ACSL1: variants seen among roughly 807,000 people sequenced by gnomAD.
ACSL1 encodes long-chain-fatty-acid--CoA ligase 1.
ACSL1 carries 41 observed loss-of-function variants against 98.4 expected under a neutral mutation model. The ratio of observed to expected loss-of-function variants is 0.42; its 90% confidence interval spans 0.32 to 0.54. The LOEUF (loss-of-function observed/expected upper bound fraction) is 0.54. Among genes scored for constraint, ACSL1 ranks in the 20% least tolerant of loss-of-function variants. The probability of loss-of-function intolerance (pLI) is 0.13; values close to 1 mark genes in which losing one functional copy is unlikely to be tolerated. For missense variants in ACSL1, 734 were observed against 883.1 expected (o/e 0.83, Z 2.14); for synonymous variants, 316 against 322.7 (o/e 0.98, Z 0.22).
intron 1 of ACSL1, chr4:184,813,988 A>G (rs10010777): frequency 0.024 from 10,326 of 431,180 alleles, 894 homozygotes; most frequent in African/African-American, 0.19. Flanking sequence ...CTATGGAAAT[A>G]AACAGAATAT....
chr4:184,808,021 T>C (rs1025035504), intron 1 of ACSL1, among the ~76,000 whole-genome samples: 2 of 152,208 alleles, frequency 1.3e-5, no homozygotes, highest in Non-Finnish European at 2.9e-5. Context: ...CCAGGTATTA[T>C]GACAGCTCCC....
chr4:184,778,665 C>T (rs564988558), intron 5 of ACSL1, among the ~76,000 whole-genome samples: 9 of 152,210 alleles, frequency 5.9e-5, no homozygotes, highest in African/African-American at 1.9e-4. Context: ...GAAGAGAGGC[C>T]GAGTCACTGT....
chr4:184,816,042 C>G (rs189082702), intron 1 of ACSL1, among the ~76,000 whole-genome samples: 1 of 151,940 alleles, frequency 6.6e-6, no homozygotes, highest in Non-Finnish European at 1.5e-5. Context: ...GTCGATTGAA[C>G]CTGTGGGGGG....
chr4:184,760,145 A>G (rs1762655685), intron 18 of ACSL1, among the ~76,000 whole-genome samples: 1 of 152,182 alleles, frequency 6.6e-6, no homozygotes, highest in African/African-American at 2.4e-5. Flanking sequence ...CTCTCTAAGT[A>G]AAATAAAAAT....
At position 184,791,455 on chromosome 4, in the gene ACSL1, C is replaced by T. The variant is rs150216400; in HGVS notation, c.196-2724G>A. ...AAAGTGTGCTCTGCGGAACACCTGG[C>T]ACTGGTTAGGAAAGCAAATCACACC... On this transcript the variant is annotated intron_variant, in intron 2 of 20. Coordinates refer to ENST00000281455, the MANE Select transcript of ACSL1 (RefSeq NM_001995.5). Among the ~76,000 whole-genome samples, 32 of 152,314 alleles carry T rather than the reference C, an allele frequency of 2.1e-4. No homozygotes were observed. In the East Asian group the frequency reaches 5.4e-3, roughly 26 times the overall value.
chr4:184,760,901 T>C (rs1762768347), intron 17 of ACSL1, among the ~76,000 whole-genome samples: 1 of 152,238 alleles, frequency 6.6e-6, no homozygotes, highest in Non-Finnish European at 1.5e-5. Context: ...TCCAAAGTGC[T>C]CTGCACAGAG....
intron 17 of ACSL1, 41 bp from the exon 18 acceptor site, chr4:184,760,541 C>A: frequency 6.2e-7 from 1 of 1,610,598 alleles, no homozygotes; most frequent in Non-Finnish European, 8.5e-7. Flanking sequence ...GGGCTGATGG[C>A]TGGTTTCCAA....
chr4:184,788,629 T>A lies in ACSL1; in HGVS notation c.298A>T (p.Ile100Leu), dbSNP rs781041107. 6 of 1,613,900 alleles carry A rather than the reference T, an allele frequency of 3.7e-6. No homozygotes were observed. The highest frequency in any genetic ancestry group is 5.1e-6 in the Non-Finnish European group (6 of 1,179,924). ...TTLYEGFQRG[I>L]QVSNNGPCLG... Reference sequence around the variant, plus strand: ...GGAAAATGCTTACTTGACACCTGTATTCCCCTCTGGAAACCTTCGTATAAT... The same window carrying A: ...GGAAAATGCTTACTTGACACCTGTAATCCCCTCTGGAAACCTTCGTATAAT... The change falls in exon 3 of 21, where the codon ATA (isoleucine) becomes TTA (leucine). Residue 100 changes from isoleucine (I) to leucine (L), a missense_variant. Ile to Leu is a conservative substitution (Grantham distance 5, BLOSUM62 2). Coordinates refer to ENST00000281455, the MANE Select transcript of ACSL1 (RefSeq NM_001995.5).
chr4:184,783,004 C>T (rs775875930), intron 4 of ACSL1, among the ~76,000 whole-genome samples: 41 of 152,070 alleles, frequency 2.7e-4, no homozygotes, highest in Non-Finnish European at 4.7e-4. Flanking sequence ...TTCATGAATC[C>T]GCATGATTAC....
chr4:184,794,619 G>C (rs186576194), intron 2 of ACSL1, among the ~76,000 whole-genome samples: 63 of 152,304 alleles, frequency 4.1e-4, no homozygotes, highest in African/African-American at 1.4e-3. Flanking sequence ...TCAGACTTGG[G>C]GGGGCTGCTT....
At chr4:184,788,847 T>C in intron 2 of ACSL1, 116 bp from the exon 3 acceptor site, 1 of 730,664 alleles carries the variant, frequency 1.4e-6, no homozygotes, top group South Asian at 1.7e-5. Context: ...CACTTATCTG[T>C]AGTGAGAACA....
At chr4:184,796,139 C>A (rs1156421021) in intron 2 of ACSL1, among the ~76,000 whole-genome samples, 1 of 152,132 alleles carries the variant, frequency 6.6e-6, no homozygotes, top group Non-Finnish European at 1.5e-5. Context: ...TAAAAGCAGG[C>A]AGAGGAATTT....
intron 14 of ACSL1, among the ~76,000 whole-genome samples, chr4:184,765,197 T>A (rs895125202): frequency 2.6e-5 from 4 of 152,194 alleles, no homozygotes; most frequent in Non-Finnish European, 5.9e-5. Flanking sequence ...GTGAACTCCC[T>A]TGGCCAATTC....
In ACSL1 at chr4:184,773,903, A is replaced by C. The variant is rs1211108854; in HGVS notation, c.757-28T>G. On this transcript the variant is annotated intron_variant, in intron 7 of 20. Coordinates refer to ENST00000281455, the MANE Select transcript of ACSL1 (RefSeq NM_001995.5). This position sits in a 1 kb window ranked among gnomAD's most constrained non-coding sequence, Gnocchi z 4.3. ...TAATTAGAAGAGAAAAAAAGTCTTA[A>C]ATGGAAACGTTTTCTAACTGTAAAG... 6.2e-7 allele frequency: 1 copy of C among 1,613,546 alleles called. No individual in the cohort carries two copies. The highest frequency in any genetic ancestry group is 1.1e-5 in the South Asian group (1 of 91,048).
chr4:184,798,858 A>C (rs1284616487), intron 2 of ACSL1: 1 of 152,354 alleles, frequency 6.6e-6, no homozygotes, highest in Non-Finnish European at 1.5e-5. Context: ...TGGGAGCAGC[A>C]GGTCTTGCAC....
At chr4:184,772,940 TA>T in intron 10 of ACSL1, 140 bp downstream of exon 10, 1 of 660,786 alleles carries the variant, frequency 1.5e-6, no homozygotes, top group Non-Finnish European at 2.5e-6. Context: ...GACTTGGGCC[TA>T]AAGTTCTGAC....
At chr4:184,802,593 C>T (rs1770712498) in intron 2 of ACSL1, among the ~76,000 whole-genome samples, 1 of 152,100 alleles carries the variant, frequency 6.6e-6, no homozygotes, top group South Asian at 2.1e-4. Context: ...GCCTTTCTCA[C>T]TAGGGAAGGC....
chr4:184,776,444 G>A (rs762460814), intron 7 of ACSL1, 40 bp downstream of exon 7: 3 of 1,591,140 alleles, frequency 1.9e-6, no homozygotes, highest in South Asian at 2.3e-5. Context: ...CACGGCCCCA[G>A]GGAAAGCCTT....
intron 1 of ACSL1, among the ~76,000 whole-genome samples, chr4:184,806,622 C>T (rs1771458324): frequency 6.6e-6 from 1 of 151,964 alleles, no homozygotes; most frequent in African/African-American, 2.4e-5. Context: ...TAAGCATCAG[C>T]AGTAGCCATG....
Sources: allele counts gnomAD v4.1 joint callset (sites outside exome capture counted in the v4.1 genomes callset), GRCh38; gene constraint gnomAD v4.1.1; non-coding constraint Gnocchi (gnomAD v3.1); transcripts MANE v1.5; gene names NCBI Gene and HGNC (gene_info 2026-07-23, HGNC 2026-07-21).